Variants in PKHD1 observed in about 807,000 individuals in gnomAD.
PKHD1 encodes PKHD1 ciliary IPT domain containing fibrocystin/polyductin.
A neutral mutation model predicts 412.0 loss-of-function variants in PKHD1; 291 were observed. The ratio of observed to expected loss-of-function variants is 0.71; its 90% CI spans 0.64 to 0.78. The LOEUF (loss-of-function observed/expected upper bound fraction) is 0.78, where lower values mean the gene tolerates loss of function less well. Ranked by LOEUF, PKHD1 falls within the 30% of genes least tolerant of loss-of-function variation. PKHD1 has a pLI of 0.00. For synonymous variants in PKHD1, 1,777 were observed against 1,821.5 expected (o/e 0.98, Z 0.62); for missense variants, 4,825 against 4,950.7 (o/e 0.97, Z 0.76).
At chr6:51,654,099 C>A (rs1038914262) in intron 61 of PKHD1, among the ~76,000 whole-genome samples, 2 of 152,106 alleles carry the variant, frequency 1.3e-5, no homozygotes, top group Non-Finnish European at 2.9e-5. Context: ...AACAGGCTAC[C>A]TTTCACTGTA....
Position 52,033,239 on chromosome 6 carries a change from A to G in PKHD1, c.3229-74T>C, listed in dbSNP as rs995099674. ...GACTGACTTAAGGGAAGAGAACTCCATATAGAATTAGTTTTAAAAGTTAAT... is the reference window on the plus strand; with the variant it reads ...GACTGACTTAAGGGAAGAGAACTCCGTATAGAATTAGTTTTAAAAGTTAAT... On this transcript the variant is annotated intron_variant, in intron 28 of 66. Transcript: ENST00000371117. 1.4e-5 allele frequency: 16 copies of G among 1,156,878 alleles called. No homozygotes were observed. The African/African-American group carries it at 1.5e-4, about 11-fold the overall frequency. 71.7% of individuals were successfully genotyped at this position (1,156,878 alleles called of 1,614,324 possible). A position where few individuals can be genotyped will look rare whatever the true frequency, so the allele number is the denominator to read the frequency against.
At chr6:52,026,598 G>T (rs760806931) in intron 31 of PKHD1, among the ~76,000 whole-genome samples, 1 of 152,108 alleles carries the variant, frequency 6.6e-6, no homozygotes, top group South Asian at 2.1e-4. Context: ...CAACTTATAT[G>T]CTAATGAAAA....
chr6:51,914,394 C>T (rs1044795348), intron 37 of PKHD1, among the ~76,000 whole-genome samples: 1 of 152,044 alleles, frequency 6.6e-6, no homozygotes, highest in African/African-American at 2.4e-5. Flanking sequence ...AAAAATAACA[C>T]CTCTATGTGT....
At chr6:51,721,112 C>T in intron 60 of PKHD1, 1 of 982,332 alleles carries the variant, frequency 1.0e-6, no homozygotes, top group Non-Finnish European at 1.2e-6. Flanking sequence ...CATCAGTGCA[C>T]AAGAATGGCA....
Position 52,022,816 on chromosome 6 carries a change from C to T in PKHD1, c.5365G>A (p.Val1789Ile), listed in dbSNP as rs1288521396. 4 of 1,613,908 alleles carry T rather than the reference C, an allele frequency of 2.5e-6. No homozygotes were observed. Among genetic ancestry groups the T allele is most frequent in the East Asian group, 4.5e-5 (2 of 44,876 alleles). ...NATVSAFSCL[V>I]LPLDVSLAFL... is the part of the protein sequence containing the mutation. Reference sequence around the variant, plus strand: ...CTTTACTCACCATCCAGGGGCAGAACCAAGCAGCTGAAGGCAGACACTGTA... The same window carrying T: ...CTTTACTCACCATCCAGGGGCAGAATCAAGCAGCTGAAGGCAGACACTGTA... Residue 1789 changes from valine (V) to isoleucine (I), a missense_variant, in exon 33 of 67, where the codon GTT (valine) becomes ATT (isoleucine). By Grantham distance (29) the Val-to-Ile change is conservative. Transcript: ENST00000371117.
chr6:51,852,642 C>T (rs997275032), intron 49 of PKHD1, among the ~76,000 whole-genome samples: 1 of 152,014 alleles, frequency 6.6e-6, no homozygotes, highest in Non-Finnish European at 1.5e-5. Context: ...TTGCATTGTT[C>T]CCTTTACCAT....
chr6:51,810,664 T>C (rs1266923288), intron 52 of PKHD1, among the ~76,000 whole-genome samples: 3 of 152,158 alleles, frequency 2.0e-5, no homozygotes, highest in Non-Finnish European at 2.9e-5. Flanking sequence ...CACTTCCCCA[T>C]GGCCCTGATG....
intron 46 of PKHD1, among the ~76,000 whole-genome samples, chr6:51,874,479 C>T (rs1251177548): frequency 6.6e-6 from 1 of 152,020 alleles, no homozygotes; most frequent in East Asian, 1.9e-4. Flanking sequence ...TACCAACACA[C>T]GTACAGGTAT....
At chr6:51,628,992 G>T (rs918545644) in intron 65 of PKHD1, among the ~76,000 whole-genome samples, 19 of 152,162 alleles carry the variant, frequency 1.2e-4, no homozygotes, top group Non-Finnish European at 2.6e-4. Context: ...AAATGGTGCT[G>T]GGATAGCTGG....
chr6:51,989,664 C>G (rs1051800640), intron 35 of PKHD1, among the ~76,000 whole-genome samples: 4 of 151,848 alleles, frequency 2.6e-5, no homozygotes, highest in Admixed American at 2.0e-4. Context: ...CATTATCCTA[C>G]AGAGAGGAAG....
chr6:51,873,057 C>T (rs912653454), intron 46 of PKHD1, among the ~76,000 whole-genome samples: 3 of 151,900 alleles, frequency 2.0e-5, no homozygotes, highest in African/African-American at 7.3e-5. Flanking sequence ...GCTTTGAAAC[C>T]CTTCTTATAC....
chr6:52,082,243 TA>T, intron 4 of PKHD1, 148 bp downstream of exon 4: 1 of 785,804 alleles, frequency 1.3e-6, no homozygotes, highest in Non-Finnish European at 2.2e-6. Flanking sequence ...AGGGACCTTT[TA>T]GAAAGCATAT....
chr6:51,754,241 G>A (rs1786585324), intron 56 of PKHD1, among the ~76,000 whole-genome samples: 1 of 151,672 alleles, frequency 6.6e-6, no homozygotes, highest in South Asian at 2.1e-4. Flanking sequence ...AAAAATATTT[G>A]GTACCTTTTT....
At chr6:52,020,191 A>G (rs573346676) in intron 33 of PKHD1, among the ~76,000 whole-genome samples, 44 of 152,356 alleles carry the variant, frequency 2.9e-4, no homozygotes, top group Admixed American at 2.6e-3. Context: ...ACAGTAAACT[A>G]CAAAAGAAAA....
chr6:51,819,367 G>A (rs1291348542), intron 52 of PKHD1, among the ~76,000 whole-genome samples: 2 of 152,248 alleles, frequency 1.3e-5, no homozygotes, highest in East Asian at 1.9e-4. Flanking sequence ...ATGCTTACAG[G>A]GAGCTAGTTT....
intron 60 of PKHD1, chr6:51,721,423 A>G: frequency 1.8e-6 from 1 of 563,046 alleles, no homozygotes; most frequent in Non-Finnish European, 2.2e-6. Context: ...TAATAATAAT[A>G]TCTCAATATA....
chr6:51,955,467 G>GA (rs1445000624), intron 36 of PKHD1, among the ~76,000 whole-genome samples: 1 of 151,806 alleles, frequency 6.6e-6, no homozygotes, highest in Non-Finnish European at 1.5e-5. Context: ...ATATGTGTAA[G>GA]AAAAAAATGT....
At chr6:51,826,684 C>T (rs75843639) in intron 52 of PKHD1, among the ~76,000 whole-genome samples, 8,307 of 152,106 alleles carry the variant, frequency 0.055, 237 homozygotes, top group South Asian at 0.072. Context: ...AAAGTTATCA[C>T]GAACTTAAAC....
At position 51,934,102 on chromosome 6, in the gene PKHD1, T is replaced by A; in HGVS notation, c.6121+8A>T. The A allele has an allele frequency of 6.3e-7, 1 of 1,593,742 alleles. No individual in the cohort carries two copies. The highest frequency in any genetic ancestry group is 8.6e-7 in the Non-Finnish European group (1 of 1,161,412). On this transcript the variant is annotated splice_region_variant and intron_variant, in intron 37 of 66. Coordinates refer to ENST00000371117, the MANE Select transcript of PKHD1 (RefSeq NM_138694.4). ...ACTTCATTTCCTCTGATCAATTGCC[T>A]CACTCACCGTGCAGAGAAAGAGTTC...
Sources: gnomAD v4.1 joint callset for allele counts (sites outside exome capture counted in the v4.1 genomes callset) on GRCh38, gnomAD v4.1.1 for gene constraint, MANE v1.5 for transcripts, NCBI Gene and HGNC (gene_info 2026-07-23, HGNC 2026-07-21) for gene names.